Variants in ACYP2 observed in about 807,000 individuals in gnomAD.
The protein encoded by ACYP2 is acylphosphatase-2.
A neutral mutation model predicts 11.2 loss-of-function variants in ACYP2; 12 were observed. The observed-to-expected ratio is 1.08, with a 90% CI of 0.69 to 1.74. The LOEUF (loss-of-function observed/expected upper bound fraction) is 1.74. Ranked by LOEUF, ACYP2 falls within the 40% of genes most tolerant of loss-of-function variation. ACYP2 has a pLI of 0.00. For synonymous variants in ACYP2, 43 were observed against 32.2 expected (o/e 1.33, Z -1.13); for missense variants, 134 against 101.9 (o/e 1.31, Z -1.35).
At chr2:54,118,619 C>T (rs1236893975) in intron 4 of ACYP2, among the ~76,000 whole-genome samples, 1 of 152,228 alleles carries the variant, frequency 6.6e-6, no homozygotes, top group Non-Finnish European at 1.5e-5. Flanking sequence ...TTTCTATTAA[C>T]TATACAATTC....
intron 6 of ACYP2, among the ~76,000 whole-genome samples, chr2:54,193,464 ACT>A (rs772992903): frequency 4.0e-4 from 61 of 152,106 alleles, no homozygotes; most frequent in Non-Finnish European, 6.5e-4. Context: ...CCCAGAGCTG[ACT>A]CTACCCTCCA....
chr2:54,094,248 G>A (rs1678394304), intron 4 of ACYP2, among the ~76,000 whole-genome samples: 1 of 148,660 alleles, frequency 6.7e-6, no homozygotes, highest in South Asian at 2.1e-4. Context: ...TTTTTTTTGA[G>A]ACAGAGTCTT....
chr2:54,100,106 A>G (rs1195512220), intron 4 of ACYP2, among the ~76,000 whole-genome samples: 1 of 151,668 alleles, frequency 6.6e-6, no homozygotes, highest in Non-Finnish European at 1.5e-5. Context: ...TGTAATCACA[A>G]TTTAGTCTTC....
intron 2 of ACYP2, among the ~76,000 whole-genome samples, chr2:54,047,833 A>G (rs1558493518): frequency 6.6e-6 from 1 of 152,236 alleles, no homozygotes; most frequent in South Asian, 2.1e-4. Flanking sequence ...TAGACAAAAG[A>G]CCGCAGCTAC....
Position 54,177,905 on chromosome 2 carries a change from ATTTTT to A in ACYP2, c.404+39170_404+39174del, listed in dbSNP as rs1278343210. Among the ~76,000 whole-genome samples, 4 of 33,214 alleles carry A rather than the reference ATTTTT, an allele frequency of 1.2e-4. No homozygotes were observed. In the South Asian group the frequency reaches 6.3e-3, roughly 52 times the overall value. 21.8% of individuals were successfully genotyped at this position (33,214 alleles called of 152,430 possible). On this transcript the variant is annotated intron_variant, in intron 6 of 6. Transcript: ENST00000607452. Reference sequence around the variant, plus strand: ...TCCTGTTTCTTTTCTTTCTTTCTTTATTTTTTTTTTTTTTTTTGAGATGGAGTCTC... The same window carrying A: ...TCCTGTTTCTTTTCTTTCTTTCTTTATTTTTTTTTTTTGAGATGGAGTCTC...
chr2:54,183,083 G>A (rs1229478426), intron 6 of ACYP2, among the ~76,000 whole-genome samples: 3 of 152,150 alleles, frequency 2.0e-5, no homozygotes, highest in East Asian at 3.8e-4. Context: ...AAGTTAATAA[G>A]CTGTTAAAGG....
At chr2:54,070,270 CA>C (rs200624759) in intron 4 of ACYP2, among the ~76,000 whole-genome samples, 30,078 of 89,696 alleles carry the variant, frequency 0.34, 2,998 homozygotes, top group South Asian at 0.5. Flanking sequence ...AAGTCCATCT[CA>C]AAAAAAAAAA....
intron 6 of ACYP2, among the ~76,000 whole-genome samples, chr2:54,195,794 G>GGTTTTTTTTTTT (rs1553389697): frequency 1.2e-5 from 1 of 83,134 alleles, no homozygotes; most frequent in African/African-American, 5.0e-5. Context: ...TTTGTTGTGG[G>GGTTTTTTTTTTT]TTTTTTTTTT....
At chr2:54,028,370 A>G (rs1674405553) in intron 2 of ACYP2, among the ~76,000 whole-genome samples, 1 of 152,172 alleles carries the variant, frequency 6.6e-6, no homozygotes, top group South Asian at 2.1e-4. Flanking sequence ...GCATTCTGAC[A>G]TGCTGAATTG....
At chr2:54,142,729 T>A (rs926419462) in intron 6 of ACYP2, 2 of 151,810 alleles carry the variant, frequency 1.3e-5, no homozygotes, top group Non-Finnish European at 2.9e-5. Context: ...CCAAAAAAAA[T>A]AAAATAAAAT....
intron 2 of ACYP2, chr2:53,975,436 A>G (rs1271202810): frequency 1.3e-5 from 5 of 392,334 alleles, no homozygotes; most frequent in Non-Finnish European, 2.2e-5. Context: ...TGGTCTGCTC[A>G]TTAGTGGAGA....
chr2:54,245,284 G>T (rs533097826), intron 6 of ACYP2, among the ~76,000 whole-genome samples: 27 of 152,138 alleles, frequency 1.8e-4, no homozygotes, highest in African/African-American at 6.5e-4. Flanking sequence ...TTTATCTATT[G>T]TTGGACATTT....
At chr2:54,234,743 T>C (rs1357564209) in intron 6 of ACYP2, among the ~76,000 whole-genome samples, 1 of 152,240 alleles carries the variant, frequency 6.6e-6, no homozygotes, top group Admixed American at 6.5e-5. Flanking sequence ...ATCTTCAACA[T>C]TGTCTCATCC....
intron 5 of ACYP2, among the ~76,000 whole-genome samples, chr2:54,137,453 G>A (rs1394464479): frequency 2.0e-5 from 3 of 151,876 alleles, no homozygotes; most frequent in Non-Finnish European, 4.4e-5. Flanking sequence ...CCTCAGGTAG[G>A]CCCCAGTGTC....
chr2:54,150,463 C>T (rs1305686674), intron 6 of ACYP2, among the ~76,000 whole-genome samples: 1 of 152,150 alleles, frequency 6.6e-6, no homozygotes, highest in African/African-American at 2.4e-5. Context: ...CCTTGTGGCC[C>T]AGGCTGGAGT....
chr2:53,971,150 T>C lies in ACYP2; in HGVS notation c.-208T>C, dbSNP rs1483991601. The C allele has an allele frequency of 1.4e-4, 25 of 183,646 alleles. No homozygotes were observed. The highest frequency in any genetic ancestry group is 2.3e-4 in the Non-Finnish European group (21 of 89,632). The allele number at this position is 183,646 out of a possible 1,614,324, so 11.4% of individuals were successfully genotyped here. ...TGGAGCCCAACGGGCTGCGCCTTCT[T>C]CGCCGTGGGCCCGGCTCGGAGCCCC... On this transcript the variant is annotated 5_prime_UTR_variant, in exon 1 of 7. Coordinates refer to ENST00000607452, the MANE Select transcript of ACYP2 (RefSeq NM_001320586.2).
At chr2:54,162,892 G>T (rs1242776233) in intron 6 of ACYP2, among the ~76,000 whole-genome samples, 1 of 152,188 alleles carries the variant, frequency 6.6e-6, no homozygotes, top group African/African-American at 2.4e-5. Flanking sequence ...GGAGACTAAG[G>T]TGGGAGGATT....
chr2:54,255,939 G>A, intron 6 of ACYP2: 3 of 1,614,132 alleles, frequency 1.9e-6, no homozygotes, highest in Non-Finnish European at 2.5e-6. Flanking sequence ...CCAAGATGTG[G>A]AAAGTATGGC....
At chr2:54,114,123 C>T (rs1679606190) in intron 4 of ACYP2, among the ~76,000 whole-genome samples, 1 of 152,110 alleles carries the variant, frequency 6.6e-6, no homozygotes, top group African/African-American at 2.4e-5. Flanking sequence ...AATCAGATTG[C>T]AGTGGATTAT....
Sources: gnomAD v4.1 joint callset for allele counts (sites outside exome capture counted in the v4.1 genomes callset) on GRCh38, gnomAD v4.1.1 for gene constraint, MANE v1.5 for transcripts, NCBI Gene and HGNC (gene_info 2026-07-23, HGNC 2026-07-21) for gene names.